Variants in KCNU1 observed in about 807,000 individuals in gnomAD.
KCNU1 encodes the protein potassium channel subfamily U member 1.
Under a neutral mutation model 126.8 loss-of-function variants are expected in KCNU1, and 93 were observed. The ratio of observed to expected loss-of-function variants is 0.73; its 90% CI spans 0.62 to 0.87. KCNU1 has a LOEUF of 0.87. Ranked by LOEUF, KCNU1 falls within the 40% of genes least tolerant of loss-of-function variation. The pLI is 0.00. For missense variants in KCNU1, 1,330 were observed against 1,367.1 expected (o/e 0.97, Z 0.43); for synonymous variants, 523 against 494.2 (o/e 1.06, Z -0.77).
chr8:36,861,884 G>A (rs193271759), intron 18 of KCNU1, among the ~76,000 whole-genome samples: 1 of 152,274 alleles, frequency 6.6e-6, no homozygotes, highest in African/African-American at 2.4e-5. Context: ...TTGCTTTCAA[G>A]GGAATTGCTT....
intron 14 of KCNU1, among the ~76,000 whole-genome samples, chr8:36,838,084 CA>C (rs1178717720): frequency 6.6e-6 from 1 of 152,148 alleles, no homozygotes; most frequent in Non-Finnish European, 1.5e-5. Context: ...ATGTAATATA[CA>C]GGTGAAAAGA....
chr8:36,892,584 A>G (rs1419101036), intron 19 of KCNU1, among the ~76,000 whole-genome samples: 1 of 148,260 alleles, frequency 6.7e-6, no homozygotes, highest in Non-Finnish European at 1.5e-5. Flanking sequence ...ATAATATTAT[A>G]TGACAACTCT....
intron 18 of KCNU1, among the ~76,000 whole-genome samples, chr8:36,848,470 G>T (rs1299889515): frequency 1.3e-5 from 2 of 152,168 alleles, no homozygotes; most frequent in Non-Finnish European, 2.9e-5. Context: ...TGGGGTGAAA[G>T]AAAGGGGCCT....
chr8:36,847,181 A>G (rs1339793707), intron 18 of KCNU1, among the ~76,000 whole-genome samples: 1 of 152,166 alleles, frequency 6.6e-6, no homozygotes, highest in Non-Finnish European at 1.5e-5. Flanking sequence ...AACTCTTTTC[A>G]GTAGTCCTTG....
chr8:36,840,522 G>C lies in KCNU1; in HGVS notation c.1578G>C (p.Leu526=). 1 of 1,613,126 alleles carries C rather than the reference G, an allele frequency of 6.2e-7. No individual in the cohort carries two copies. Among genetic ancestry groups the C allele is most frequent in the Non-Finnish European group, 8.5e-7 (1 of 1,179,430 alleles). Residue 526 remains leucine, a synonymous_variant, in exon 15 of 27, where the codon CTG becomes CTC. Coordinates refer to ENST00000399881, the MANE Select transcript of KCNU1 (RefSeq NM_001031836.3). ...HFLNSMKNKI[L]TQRLSDDFAG... is the part of the protein sequence containing the mutation. ...TGAATAGCATGAAAAACAAAATTCT[G>C]ACCCAACGTCTCTCTGATGACTTTG... is the stretch of plus-strand genomic sequence containing the variant.
chr8:36,842,954 G>C (rs964346895), intron 16 of KCNU1, among the ~76,000 whole-genome samples: 2 of 152,162 alleles, frequency 1.3e-5, no homozygotes, highest in Non-Finnish European at 2.9e-5. Flanking sequence ...GTAAGCTACT[G>C]TGCCCAGCCT....
intron 2 of KCNU1, 116 bp from the exon 3 acceptor site, chr8:36,803,911 T>A (rs1327355963): frequency 4.2e-6 from 3 of 718,848 alleles, no homozygotes; most frequent in Non-Finnish European, 7.4e-6. Context: ...TAAGTGAATA[T>A]GTGAATAAAT....
chr8:36,893,271 G>T (rs894671220), intron 19 of KCNU1, among the ~76,000 whole-genome samples: 2 of 151,360 alleles, frequency 1.3e-5, no homozygotes, highest in Non-Finnish European at 2.9e-5. Context: ...ACCACATCTG[G>T]CCCTCTCTAT....
At chr8:36,889,868 A>G (rs1806887324) in intron 19 of KCNU1, among the ~76,000 whole-genome samples, 2 of 152,210 alleles carry the variant, frequency 1.3e-5, no homozygotes, top group South Asian at 2.1e-4. Context: ...AAAGAACCCA[A>G]ATGAAAAGAA....
intron 19 of KCNU1, among the ~76,000 whole-genome samples, chr8:36,894,044 T>A (rs369005707): frequency 3.9e-5 from 6 of 151,980 alleles, no homozygotes; most frequent in African/African-American, 1.4e-4. Context: ...CATGAAAAAA[T>A]TTTCGATTAA....
At chr8:36,912,665 A>T (rs987978826) in intron 22 of KCNU1, among the ~76,000 whole-genome samples, 12 of 152,046 alleles carry the variant, frequency 7.9e-5, no homozygotes, top group Non-Finnish European at 1.6e-4. Context: ...GACAAAGAAG[A>T]AGTATTCATT....
intron 18 of KCNU1, among the ~76,000 whole-genome samples, chr8:36,846,698 A>T (rs1235626477): frequency 6.7e-6 from 1 of 148,680 alleles, no homozygotes; most frequent in Non-Finnish European, 1.5e-5. Context: ...GCTGCTTGGG[A>T]GGCTGAGGCA....
At position 36,809,770 on chromosome 8, in the gene KCNU1, A is replaced by G. The variant is rs1034081736; in HGVS notation, c.732+977A>G. Among the ~76,000 whole-genome samples, 15 of 152,226 alleles carry G rather than the reference A, an allele frequency of 9.9e-5. 1 individual carries two copies. The highest frequency in any genetic ancestry group is 3.4e-4 in the African/African-American group (14 of 41,460). ...TGGCCACCACAGGATGCTAAAGGAA[A>G]AGTCATTAGGACTTTTTTTTCTTTT... On this transcript the variant is annotated intron_variant, in intron 7 of 26. Transcript: ENST00000399881.
intron 1 of KCNU1, among the ~76,000 whole-genome samples, chr8:36,784,967 G>T (rs1277903285): frequency 6.6e-6 from 1 of 152,246 alleles, no homozygotes; most frequent in Non-Finnish European, 1.5e-5. Flanking sequence ...GAAAGGAGGT[G>T]AAAGGGAACA....
At chr8:36,815,793 A>T in intron 9 of KCNU1, 106 bp downstream of exon 9, 2 of 650,372 alleles carry the variant, frequency 3.1e-6, no homozygotes, top group Non-Finnish European at 5.4e-6. Context: ...CCCAAGGTGA[A>T]TATATCAGCA....
At chr8:36,814,053 TC>T (rs2130458287) in intron 7 of KCNU1, among the ~76,000 whole-genome samples, 153 bp from the exon 8 acceptor site, 1 of 152,310 alleles carries the variant, frequency 6.6e-6, no homozygotes, top group South Asian at 2.1e-4. Flanking sequence ...TACAAACTCT[TC>T]CATTTATGTA....
chr8:36,896,707 C>T (rs1807204628), intron 19 of KCNU1, among the ~76,000 whole-genome samples: 1 of 151,978 alleles, frequency 6.6e-6, no homozygotes, highest in South Asian at 2.1e-4. Context: ...TTTCAGAGAA[C>T]ATGCAGTTTA....
At chr8:36,823,352 C>A (rs1804198028) in intron 10 of KCNU1, among the ~76,000 whole-genome samples, 1 of 152,102 alleles carries the variant, frequency 6.6e-6, no homozygotes, top group Non-Finnish European at 1.5e-5. Flanking sequence ...AATTTTAAGT[C>A]TAAATTTTAC....
At chr8:36,792,825 TATA>T (rs1802951940) in intron 2 of KCNU1, among the ~76,000 whole-genome samples, 1 of 152,186 alleles carries the variant, frequency 6.6e-6, no homozygotes, top group South Asian at 2.1e-4. Flanking sequence ...AGGTTCTGCA[TATA>T]ATAAGTATAT....
Sources: allele counts gnomAD v4.1 joint callset (sites outside exome capture counted in the v4.1 genomes callset), GRCh38; gene constraint gnomAD v4.1.1; transcripts MANE v1.5; gene names NCBI Gene and HGNC (gene_info 2026-07-23, HGNC 2026-07-21).